Variants in UNC79 observed in about 807,000 individuals in gnomAD.
The protein encoded by UNC79 is protein unc-79 homolog.
In UNC79, 37 loss-of-function variants were observed where a neutral mutation model predicts 283.1. The ratio of observed to expected loss-of-function variants is 0.13; its 90% confidence interval spans 0.10 to 0.17. The LOEUF (loss-of-function observed/expected upper bound fraction) is 0.17, where lower values mean the gene tolerates loss of function less well. Ranked by LOEUF, UNC79 falls within the 10% of genes least tolerant of loss-of-function variation. UNC79 has a pLI of 1.00. For missense variants in UNC79, 2,272 were observed against 3,211.1 expected, an observed-to-expected ratio of 0.71 and a Z score of 7.07; for synonymous variants, 1,107 against 1,200.2, an observed-to-expected ratio of 0.92 and a Z score of 1.61.
chr14:93,690,410 C>A lies in UNC79; in HGVS notation c.7272+107C>A. The A allele has an allele frequency of 1.5e-6, 2 of 1,302,460 alleles. No homozygotes were observed. The highest frequency in any genetic ancestry group is 2.1e-6 in the Non-Finnish European group (2 of 956,404). The allele number at this position is 1,302,460 out of a possible 1,614,324, so 80.7% of individuals were successfully genotyped here. A position where few individuals can be genotyped will look rare whatever the true frequency, so the allele number is the denominator to read the frequency against. ...GAAGAAAATACATCTTATCATTTGC[C>A]CTCCTGTGGATGTTAGAAACACAAC... On this transcript the variant is annotated intron_variant, in intron 45 of 48. Transcript: ENST00000555664. The surrounding 1 kb of genome is among the most constrained non-coding windows in gnomAD (Gnocchi z 4.3).
chr14:93,336,688 A>C (rs1346344334), intron 1 of UNC79, among the ~76,000 whole-genome samples: 1 of 152,246 alleles, frequency 6.6e-6, no homozygotes, highest in African/African-American at 2.4e-5. Flanking sequence ...AAGGTTTTAG[A>C]AAATAATATT....
At chr14:93,661,746 T>C (rs1415992824) in intron 39 of UNC79, among the ~76,000 whole-genome samples, 7 of 152,202 alleles carry the variant, frequency 4.6e-5, no homozygotes. Flanking sequence ...ATATTATCTC[T>C]TTTAATTCTC....
chr14:93,563,564 A>T (rs545612319), intron 14 of UNC79, among the ~76,000 whole-genome samples: 3 of 152,186 alleles, frequency 2.0e-5, no homozygotes, highest in East Asian at 1.9e-4. Context: ...GAGGTAGTGC[A>T]GCGGGGGCAG....
chr14:93,583,595 GA>G (rs1388092286), intron 20 of UNC79, among the ~76,000 whole-genome samples: 4 of 151,082 alleles, frequency 2.6e-5, no homozygotes, highest in African/African-American at 9.9e-5. Context: ...ATAAACTTTA[GA>G]ATTTGAAGGA....
chr14:93,649,995 G>A (rs891948804), intron 35 of UNC79, among the ~76,000 whole-genome samples: 5 of 152,286 alleles, frequency 3.3e-5, no homozygotes, highest in Admixed American at 6.5e-5. Flanking sequence ...CCCCCATAGA[G>A]GCAAACACTG....
intron 39 of UNC79, among the ~76,000 whole-genome samples, chr14:93,660,170 G>A (rs2071388129): frequency 2.6e-5 from 4 of 152,102 alleles, no homozygotes; most frequent in South Asian, 4.1e-4. Flanking sequence ...AACAATGTAC[G>A]TATTCTGCAA....
chr14:93,654,140 T>C, intron 37 of UNC79, 115 bp downstream of exon 40: 1 of 657,608 alleles, frequency 1.5e-6, no homozygotes, highest in Non-Finnish European at 2.4e-6. Flanking sequence ...AGGATTGCAA[T>C]GTTATTTAAT....
At chr14:93,515,887 C>CT (rs59035351) in intron 7 of UNC79, among the ~76,000 whole-genome samples, 45,653 of 149,178 alleles carry the variant, frequency 0.31, 7,194 homozygotes, top group East Asian at 0.65. Flanking sequence ...TGAAATTTAT[C>CT]TTTTTTTTTT....
chr14:93,658,778 A>G lies in UNC79; in HGVS notation c.6457-415A>G, dbSNP rs1286818544. Among the ~76,000 whole-genome samples, 3 of 152,114 alleles carry G rather than the reference A, an allele frequency of 2.0e-5. No individual in the cohort carries two copies. The East Asian group carries it at 5.8e-4, about 29-fold the overall frequency. ...TTTTTCCCTAAAAAGTCCTTTCACA[A>G]ATTGGTGCATCTCTTTAGAATTAGA... On this transcript the variant is annotated intron_variant, in intron 38 of 48. Coordinates refer to ENST00000555664, the Ensembl canonical transcript of UNC79.
intron 32 of UNC79, among the ~76,000 whole-genome samples, chr14:93,640,532 G>A (rs2068928175): frequency 6.6e-6 from 1 of 152,196 alleles, no homozygotes; most frequent in Non-Finnish European, 1.5e-5. Flanking sequence ...TGTGGCTGAG[G>A]TGGGAGGATT....
intron 39 of UNC79, among the ~76,000 whole-genome samples, chr14:93,661,098 G>A (rs920456641): frequency 1.3e-5 from 2 of 152,064 alleles, no homozygotes; most frequent in East Asian, 1.9e-4. Flanking sequence ...CCTCAAATAC[G>A]CTCATGTCCT....
intron 7 of UNC79, 129 bp from the exon 8 acceptor site, chr14:93,523,849 G>T (rs2060430113): frequency 5.4e-6 from 5 of 930,116 alleles, no homozygotes; most frequent in Non-Finnish European, 8.0e-6. Context: ...AGATTAAAAA[G>T]ATGATTCTGT....
At chr14:93,619,157 G>T (rs994158528) in intron 29 of UNC79, among the ~76,000 whole-genome samples, 9 of 152,278 alleles carry the variant, frequency 5.9e-5, no homozygotes, top group African/African-American at 1.9e-4. Flanking sequence ...GTTTGTTATT[G>T]CTGAAAGTTC....
chr14:93,664,547 A>G (rs1362741826), intron 40 of UNC79, among the ~76,000 whole-genome samples: 1 of 152,150 alleles, frequency 6.6e-6, no homozygotes, highest in African/African-American at 2.4e-5. Flanking sequence ...ATCCCTAGCA[A>G]AAGGTCAGAA....
chr14:93,679,294 A>T (rs2073630121), intron 41 of UNC79, among the ~76,000 whole-genome samples: 1 of 152,128 alleles, frequency 6.6e-6, no homozygotes, highest in African/African-American at 2.4e-5. Context: ...CCCCGTCTCT[A>T]CTAAAAATAC....
rs2064854911 is a variant in UNC79 at position 93,593,666 on chromosome 14, C to G, written c.3033-14C>G. ...TGATAACTGTCACCACTTTGCTTCT[C>G]CTTGATTCCCTAGCCTGTGGAGGGT... On this transcript the variant is annotated splice_polypyrimidine_tract_variant and intron_variant, in intron 22 of 48. Transcript: ENST00000555664. 1.2e-6 allele frequency: 2 copies of G among 1,600,468 alleles called. No homozygotes were observed. Among genetic ancestry groups the G allele is most frequent in the Admixed American group, 3.5e-5 (2 of 56,676 alleles).
At chr14:93,353,343 T>C (rs2054017003) in intron 1 of UNC79, among the ~76,000 whole-genome samples, 1 of 152,168 alleles carries the variant, frequency 6.6e-6, no homozygotes, top group African/African-American at 2.4e-5. Flanking sequence ...CTTTGGATTA[T>C]AGGCATGAGC....
intron 4 of UNC79, among the ~76,000 whole-genome samples, chr14:93,486,656 GGAAAAAAA>G (rs2058455385): frequency 3.8e-5 from 3 of 78,508 alleles, no homozygotes; most frequent in African/African-American, 8.4e-5. Context: ...CTCTGTCTAA[GGAAAAAAA>G]AAAAAAAAAA....
At chr14:93,705,663 G>A (rs1015531402) in intron 48 of UNC79, among the ~76,000 whole-genome samples, 2 of 152,204 alleles carry the variant, frequency 1.3e-5, no homozygotes, top group African/African-American at 4.8e-5. Flanking sequence ...GTCATTGTAG[G>A]GGCAAACATA....
Sources: gnomAD v4.1 joint callset for allele counts (sites outside exome capture counted in the v4.1 genomes callset) on GRCh38, gnomAD v4.1.1 for gene constraint, Gnocchi (gnomAD v3.1) non-coding constraint, MANE v1.5 for transcripts, NCBI Gene and HGNC (gene_info 2026-07-23, HGNC 2026-07-21) for gene names.